CDK5RAP3: variants seen among roughly 807,000 people sequenced by gnomAD.
CDK5RAP3 encodes CDK5 regulatory subunit-associated protein 3.
In CDK5RAP3, 58 loss-of-function variants were observed where a neutral mutation model predicts 73.3. That is an observed-to-expected ratio of 0.79 (90% confidence interval 0.64 to 0.98). The LOEUF (loss-of-function observed/expected upper bound fraction) is 0.98. Among genes scored for constraint, CDK5RAP3 ranks in the 50% least tolerant of loss-of-function variants. The pLI is 0.00. For missense variants in CDK5RAP3, 525 were observed against 615.8 expected, an observed-to-expected ratio of 0.85 and a Z score of 1.56; for synonymous variants, 224 against 247.5, an observed-to-expected ratio of 0.91 and a Z score of 0.89.
At chr17:47,975,412 C>T (rs1240407634) in intron 6 of CDK5RAP3, 75 bp downstream of exon 6, 1 of 1,604,872 alleles carries the variant, frequency 6.2e-7, no homozygotes, top group Non-Finnish European at 8.5e-7. Flanking sequence ...CCGTCTGACC[C>T]CTCAGCCTGG....
intron 2 of CDK5RAP3, among the ~76,000 whole-genome samples, chr17:47,972,303 T>C (rs1166866711): frequency 1.3e-5 from 2 of 152,232 alleles, no homozygotes; most frequent in Admixed American, 6.5e-5. Context: ...TTAAAATGCT[T>C]ATTGGATTCA....
chr17:47,978,834 G>A lies in CDK5RAP3; in HGVS notation c.994G>A (p.Glu332Lys), dbSNP rs1319148024. 2 of 1,613,154 alleles carry A rather than the reference G, an allele frequency of 1.2e-6. No individual in the cohort carries two copies. The highest frequency in any genetic ancestry group is 1.1e-5 in the South Asian group (1 of 91,056). ...TCTCTGTCTCTTCCTGGCAGCTCCA[G>A]AAGGTGTTGCCAGGGGCCCAGATGC... is the stretch of plus-strand genomic sequence containing the variant. ...TVLEAGTQAP[E>K]GVARGPDALT... Residue 332 changes from glutamate to lysine, a missense_variant, in exon 11 of 14, where the codon GAA becomes AAA. Glu to Lys is a moderately conservative substitution (Grantham distance 56). Coordinates refer to ENST00000338399, the MANE Select transcript of CDK5RAP3 (RefSeq NM_176096.3).
At chr17:47,974,294 T>C in intron 4 of CDK5RAP3, 106 bp from the exon 5 acceptor site, 1 of 1,006,992 alleles carries the variant, frequency 9.9e-7, no homozygotes, top group Non-Finnish European at 1.6e-6. Flanking sequence ...AGTTTGTGTT[T>C]GATGTGATGT....
chr17:47,969,871 T>C (rs1332424948), upstream of CDK5RAP3, among the ~76,000 whole-genome samples: 6 of 152,174 alleles, frequency 3.9e-5, no homozygotes, highest in Admixed American at 3.9e-4. Context: ...CCCCAACACC[T>C]GCTCAGCATC....
In CDK5RAP3 at chr17:47,978,820, TC is replaced by T. The variant is rs373208093; in HGVS notation, c.989-7del. On this transcript the variant is annotated splice_polypyrimidine_tract_variant and splice_region_variant and intron_variant, in intron 10 of 13. Transcript: ENST00000338399. ...GATCCTTTATCACTTCTCTGTCTCT[TC>T]CTGGCAGCTCCAGAAGGTGTTGCCA... is the stretch of plus-strand genomic sequence containing the variant. 3.7e-6 allele frequency: 6 copies of T among 1,610,280 alleles called. No individual in the cohort carries two copies. The highest frequency in any genetic ancestry group is 3.4e-6 in the Non-Finnish European group (4 of 1,176,716).
At position 47,975,297 on chromosome 17, in the gene CDK5RAP3, G is replaced by A. The variant is rs778639980; in HGVS notation, c.473G>A (p.Arg158Gln). ...TGCCAGGCAGGGGCTGCCGAGATGC[G>A]GGAGCAGTTCTACCACTCCTGCAAG... ...EECQAGAAEM[R>Q]EQFYHSCKQY... The change falls in exon 6 of 14, where the codon CGG becomes CAG. Residue 158 changes from arginine (R) to glutamine (Q), a missense_variant. Transcript: ENST00000338399. The A allele has an allele frequency of 2.9e-5, 46 of 1,614,022 alleles. No homozygotes were observed. In the South Asian group the frequency reaches 3.1e-4, roughly 11 times the overall value.
In CDK5RAP3 at chr17:47,975,151, C is replaced by T. The variant is rs532280509; in HGVS notation, c.335-8C>T. On this transcript the variant is annotated splice_polypyrimidine_tract_variant and splice_region_variant and intron_variant, in intron 5 of 13. Coordinates refer to ENST00000338399, the MANE Select transcript of CDK5RAP3 (RefSeq NM_176096.3). ...TGTCCTGGGCTGAATTTCCTGGGCA[C>T]TTCTCAGTGGAACTCTCTAGCCTCC... The T allele has an allele frequency of 1.2e-6, 2 of 1,614,132 alleles. No individual in the cohort carries two copies. Among genetic ancestry groups the T allele is most frequent in the South Asian group, 1.1e-5 (1 of 91,078 alleles).
Position 47,973,994 on chromosome 17 carries a change from A to G in CDK5RAP3, c.248A>G (p.Lys83Arg), listed in dbSNP as rs1385796279. Residue 83 changes from lysine (K) to arginine (R), a missense_variant, in exon 4 of 14, where the codon AAG becomes AGG. This residue lies in a region of CDK5RAP3 where 409 missense variants were observed against 429.8 expected (regional missense o/e 0.95). Transcript: ENST00000338399. ...DLLKGTEAST[K>R]NIFGRYSSQR... ...CTCAAAGGCACAGAGGCCTCCACGAAGAATATTTTTGGCCGATACTCTTCA... is the reference window on the plus strand; with the variant it reads ...CTCAAAGGCACAGAGGCCTCCACGAGGAATATTTTTGGCCGATACTCTTCA... 1 of 1,614,032 alleles carries G rather than the reference A, an allele frequency of 6.2e-7. No individual in the cohort carries two copies. Among genetic ancestry groups the G allele is most frequent in the East Asian group, 2.2e-5 (1 of 44,894 alleles).
At chr17:47,970,828 G>T, upstream of CDK5RAP3, 1 of 1,407,922 alleles carries the variant, frequency 7.1e-7, no homozygotes, top group Non-Finnish European at 9.6e-7. Flanking sequence ...CTGCCAGGCT[G>T]GGCTCTCGAG....
chr17:47,974,258 C>G (rs758785239), intron 4 of CDK5RAP3, 142 bp from the exon 5 acceptor site: 3 of 844,204 alleles, frequency 3.6e-6, no homozygotes, highest in Non-Finnish European at 6.0e-6. Flanking sequence ...GGTGGTCCAG[C>G]CAGCAGAGTT....
chr17:47,971,241 G>GCGGCTCAA, intron 1 of CDK5RAP3, 89 bp downstream of exon 1: 1 of 1,534,224 alleles, frequency 6.5e-7, no homozygotes. Context: ...GCTCAACCCA[G>GCGGCTCAA]CCCATCGCTC....
intron 10 of CDK5RAP3, chr17:47,978,514 G>C: frequency 3.0e-6 from 1 of 332,108 alleles, no homozygotes; most frequent in Non-Finnish European, 5.7e-6. Flanking sequence ...CAGAGAAGAC[G>C]TAGTGGTGTC....
chr17:47,978,560 C>T (rs2036477030), intron 10 of CDK5RAP3: 1 of 449,462 alleles, frequency 2.2e-6, no homozygotes, highest in Admixed American at 3.6e-5. Flanking sequence ...TGAAACTTTA[C>T]CTCCTGCGGT....
intron 9 of CDK5RAP3, among the ~76,000 whole-genome samples, chr17:47,977,127 C>T (rs941209995): frequency 2.0e-5 from 3 of 151,182 alleles, no homozygotes; most frequent in Non-Finnish European, 4.4e-5. Flanking sequence ...GCGCCCACCA[C>T]CACACCCCTC....
chr17:47,975,747 T>G, intron 7 of CDK5RAP3, 94 bp downstream of exon 7: 1 of 1,572,344 alleles, frequency 6.4e-7, no homozygotes, highest in Non-Finnish European at 8.6e-7. Context: ...ATATAACATT[T>G]GAACTCTTTA....
chr17:47,976,070 C>T (rs1302819063), intron 8 of CDK5RAP3, 57 bp downstream of exon 8: 5 of 1,577,032 alleles, frequency 3.2e-6, no homozygotes, highest in Middle Eastern at 1.7e-4. Context: ...TTGTCCCCTC[C>T]CCACCCCCAA....
chr17:47,970,752 C>A (rs2036239743), upstream of CDK5RAP3: 3 of 1,525,106 alleles, frequency 2.0e-6, no homozygotes, highest in African/African-American at 2.7e-5. Flanking sequence ...CAGATCGGCG[C>A]TAGGACCCCG....
At chr17:47,976,090 C>A in intron 8 of CDK5RAP3, 77 bp downstream of exon 8, 2 of 1,528,324 alleles carry the variant, frequency 1.3e-6, no homozygotes, top group East Asian at 4.7e-5. Flanking sequence ...ACAGCCCAAC[C>A]CAAGACCCAG....
At chr17:47,980,184 C>G in intron 11 of CDK5RAP3, 2 of 243,862 alleles carry the variant, frequency 8.2e-6, no homozygotes, top group South Asian at 9.5e-5. Context: ...GAGTCTAGCC[C>G]TCATGTCTCA....
Sources: allele counts gnomAD v4.1 joint callset (sites outside exome capture counted in the v4.1 genomes callset), GRCh38; gene constraint gnomAD v4.1.1; regional missense constraint gnomAD v4.1.1; transcripts MANE v1.5; gene names NCBI Gene and HGNC (gene_info 2026-07-23, HGNC 2026-07-21).